Variants in IFT140 observed in about 807,000 individuals in gnomAD.
IFT140 encodes the protein intraflagellar transport protein 140 homolog.
A neutral mutation model predicts 164.6 loss-of-function variants in IFT140; 133 were observed. The ratio of observed to expected loss-of-function variants is 0.81; its 90% CI spans 0.70 to 0.93. IFT140 has a LOEUF of 0.93. Among genes scored for constraint, IFT140 ranks in the 40% least tolerant of loss-of-function variants. The pLI is 0.00. For synonymous variants in IFT140, 860 were observed against 817.3 expected, an observed-to-expected ratio of 1.05 and a Z score of -0.89; for missense variants, 2,045 against 1,972.3, an observed-to-expected ratio of 1.04 and a Z score of -0.70.
In IFT140 at chr16:1,589,679, C is replaced by G; in HGVS notation, c.736G>C (p.Val246Leu). ...AGCCGGAGGTTCTCTGTGACCACCA[C>G]CAGTGCCTCCCTCTTCTCCATGTAG... is the stretch of plus-strand genomic sequence containing the variant. The part of the protein sequence containing the change: ...LFYMEKREAL[V>L]VVTENLRLSL... The change falls in exon 7 of 31, where the codon GTG (valine) becomes CTG (leucine). Residue 246 changes from valine (V) to leucine (L), a missense_variant. Physicochemically the swap from Val to Leu is conservative, Grantham distance 32. Transcript: ENST00000426508. 3.1e-6 allele frequency: 5 copies of G among 1,614,112 alleles called. No individual in the cohort carries two copies. The highest frequency in any genetic ancestry group is 4.2e-6 in the Non-Finnish European group (5 of 1,180,020).
At chr16:1,515,399 A>G (rs890550334) in intron 30 of IFT140, among the ~76,000 whole-genome samples, 1 of 152,156 alleles carries the variant, frequency 6.6e-6, no homozygotes, top group African/African-American at 2.4e-5. Flanking sequence ...GAAAGGAAAA[A>G]AATCTGTCAA....
intron 13 of IFT140, among the ~76,000 whole-genome samples, chr16:1,573,696 C>T (rs971482942): frequency 3.3e-5 from 5 of 152,110 alleles, no homozygotes; most frequent in African/African-American, 1.2e-4. Context: ...CTTATAAGAG[C>T]CACAGTGCCC....
chr16:1,609,355 C>G (rs1160338498), intron 2 of IFT140, among the ~76,000 whole-genome samples: 1 of 152,150 alleles, frequency 6.6e-6, no homozygotes, highest in South Asian at 2.1e-4. Flanking sequence ...TCAAGGTTCC[C>G]CCCGGCTTTG....
chr16:1,558,783 C>T (rs566477404), intron 18 of IFT140, among the ~76,000 whole-genome samples: 10 of 152,374 alleles, frequency 6.6e-5, no homozygotes, highest in East Asian at 5.8e-4. Flanking sequence ...TGAGAGCACA[C>T]GCACTCCCCC....
chr16:1,571,584 A>G (rs772968364), intron 13 of IFT140, 50 bp from the exon 14 acceptor site: 4 of 1,566,300 alleles, frequency 2.6e-6, no homozygotes, highest in Non-Finnish European at 3.5e-6. Flanking sequence ...GTTACTGAAC[A>G]TTGTTCACAG....
chr16:1,554,105 A>G, intron 19 of IFT140: 2 of 1,287,170 alleles, frequency 1.6e-6, no homozygotes, highest in South Asian at 2.5e-5. Flanking sequence ...CTAGAACGAG[A>G]AGCACTGACT....
chr16:1,516,507 C>T (rs189836532), intron 30 of IFT140, among the ~76,000 whole-genome samples: 2 of 152,200 alleles, frequency 1.3e-5, no homozygotes, highest in African/African-American at 4.8e-5. Flanking sequence ...CGGTGGCTCA[C>T]GCCTGTAATC....
At chr16:1,554,816 C>T (rs781317964) in intron 19 of IFT140, 6 of 1,614,216 alleles carry the variant, frequency 3.7e-6, no homozygotes, top group Non-Finnish European at 5.1e-6. Context: ...TGACTTTCTA[C>T]AGAATTGGCC....
At chr16:1,565,425 C>T (rs1034338609) in intron 16 of IFT140, among the ~76,000 whole-genome samples, 3 of 145,746 alleles carry the variant, frequency 2.1e-5, no homozygotes, top group Non-Finnish European at 3.0e-5. Flanking sequence ...GGATCTGAGG[C>T]GGAAGGTGTG....
intron 18 of IFT140, among the ~76,000 whole-genome samples, chr16:1,561,320 T>A (rs2033394849): frequency 1.3e-5 from 2 of 152,242 alleles, no homozygotes; most frequent in African/African-American, 4.8e-5. Flanking sequence ...AAAAGGGACC[T>A]TGGAGACACG....
intron 19 of IFT140, chr16:1,541,973 C>A (rs528100414): frequency 2.5e-6 from 4 of 1,610,810 alleles, no homozygotes; most frequent in Non-Finnish European, 3.4e-6. Flanking sequence ...CCGCGCTCAC[C>A]GCAGGCCAGC....
chr16:1,536,662 G>T (rs991829252), intron 19 of IFT140, among the ~76,000 whole-genome samples: 17 of 152,130 alleles, frequency 1.1e-4, no homozygotes, highest in African/African-American at 4.1e-4. Flanking sequence ...CCAGGCTGGA[G>T]TGCAGCCACC....
intron 4 of IFT140, among the ~76,000 whole-genome samples, chr16:1,597,086 T>G (rs937732814): frequency 6.6e-6 from 1 of 151,986 alleles, no homozygotes; most frequent in Admixed American, 6.6e-5. Context: ...CGAGTTAAAG[T>G]GGTGGGTTCT....
intron 2 of IFT140, among the ~76,000 whole-genome samples, chr16:1,608,951 C>G (rs894114677): frequency 6.6e-6 from 1 of 151,982 alleles, no homozygotes; most frequent in East Asian, 1.9e-4. Context: ...GTCAGAAGAT[C>G]GAGACCATCC....
chr16:1,539,210 G>A (rs2031388618), intron 19 of IFT140, among the ~76,000 whole-genome samples: 1 of 151,304 alleles, frequency 6.6e-6, no homozygotes, highest in Non-Finnish European at 1.5e-5. Flanking sequence ...GCCACACGGT[G>A]CCAACGCCGA....
At chr16:1,536,830 C>T (rs903432816) in intron 19 of IFT140, among the ~76,000 whole-genome samples, 4 of 152,234 alleles carry the variant, frequency 2.6e-5, no homozygotes, top group Non-Finnish European at 5.9e-5. Flanking sequence ...GGGGTGGCCC[C>T]TCTGTCCACA....
chr16:1,556,640 T>C (rs2033102835), intron 19 of IFT140, among the ~76,000 whole-genome samples: 1 of 152,242 alleles, frequency 6.6e-6, no homozygotes, highest in Non-Finnish European at 1.5e-5. Flanking sequence ...TGACTGTCTA[T>C]GACACACTCA....
intron 4 of IFT140, among the ~76,000 whole-genome samples, chr16:1,597,229 C>T (rs1029095016): frequency 2.0e-5 from 3 of 152,154 alleles, no homozygotes; most frequent in Admixed American, 1.3e-4. Context: ...TGGCCTGGCC[C>T]GTCTAACGTG....
chr16:1,590,382 T>G (rs898250059), intron 6 of IFT140, among the ~76,000 whole-genome samples: 4 of 152,036 alleles, frequency 2.6e-5, no homozygotes, highest in Non-Finnish European at 5.9e-5. Context: ...CTCGGAGCTC[T>G]GAGTCCACCT....
Sources: allele counts gnomAD v4.1 joint callset (sites outside exome capture counted in the v4.1 genomes callset), GRCh38; gene constraint gnomAD v4.1.1; transcripts MANE v1.5; gene names NCBI Gene and HGNC (gene_info 2026-07-23, HGNC 2026-07-21).